TF: variants seen among roughly 807,000 people sequenced by gnomAD.
TF encodes serotransferrin.
In TF, 55 loss-of-function variants were observed where a neutral mutation model predicts 82.4. That is an observed-to-expected ratio of 0.67 (90% CI 0.54 to 0.84). TF has a LOEUF of 0.84. Among genes scored for constraint, TF ranks in the 40% least tolerant of loss-of-function variants. The probability of loss-of-function intolerance (pLI) is 0.00; values close to 1 mark genes in which losing one functional copy is unlikely to be tolerated. For missense variants in TF, 737 were observed against 868.4 expected (o/e 0.85, Z 1.90); for synonymous variants, 332 against 332.6 (o/e 1.00, Z 0.02).
intron 9 of TF, among the ~76,000 whole-genome samples, chr3:133,763,307 T>A (rs753250182): frequency 2.0e-5 from 3 of 152,366 alleles, no homozygotes; most frequent in Admixed American, 1.3e-4. Context: ...ATGAATCAAA[T>A]CATTATTGAG....
the TF span, among the ~76,000 whole-genome samples, chr3:133,662,803 A>C: frequency 2.2e-4 from 33 of 152,338 alleles, 1 homozygote; most frequent in African/African-American, 6.0e-4. Context: ...TCATTTTATT[A>C]TTCACTGCTG....
chr3:133,681,507 C>T, the TF span, among the ~76,000 whole-genome samples: 1 of 152,072 alleles, frequency 6.6e-6, no homozygotes, highest in Non-Finnish European at 1.5e-5. Context: ...CACCCTAATA[C>T]TGAGCTTTTC....
chr3:133,723,997 A>G, the TF span, among the ~76,000 whole-genome samples: 9 of 152,210 alleles, frequency 5.9e-5, no homozygotes, highest in African/African-American at 2.2e-4. Flanking sequence ...ATCATTTTTT[A>G]TGGCTGCATA....
chr3:133,724,812 C>A, the TF span, among the ~76,000 whole-genome samples: 76 of 152,252 alleles, frequency 5.0e-4, no homozygotes, highest in African/African-American at 1.7e-3. Flanking sequence ...GTCTTTAATC[C>A]ATCTTGAATT....
At chr3:133,746,533 C>T (rs41272325) in intron 1 of TF, 50 bp downstream of exon 1, 4 of 1,560,532 alleles carry the variant, frequency 2.6e-6, no homozygotes, top group Non-Finnish European at 3.4e-6. Context: ...CCGCGCGTTC[C>T]CTGCAACCCG....
intron 13 of TF, among the ~76,000 whole-genome samples, chr3:133,769,260 A>C (rs1177908445): frequency 1.3e-5 from 2 of 152,240 alleles, no homozygotes; most frequent in Non-Finnish European, 2.9e-5. Context: ...TTTGTAAGTT[A>C]GATTAAGTAC....
the TF span, among the ~76,000 whole-genome samples, chr3:133,693,383 T>C: frequency 1.3e-5 from 2 of 152,226 alleles, no homozygotes; most frequent in Non-Finnish European, 1.5e-5. Flanking sequence ...TTCAGTTATG[T>C]TGAGGCACAG....
the TF span, among the ~76,000 whole-genome samples, chr3:133,717,494 T>C: frequency 6.6e-6 from 1 of 152,246 alleles, no homozygotes; most frequent in African/African-American, 2.4e-5. Flanking sequence ...TTTCTCAGGC[T>C]ACCTGGAGGG....
the TF span, among the ~76,000 whole-genome samples, chr3:133,677,814 G>C: frequency 6.6e-6 from 1 of 152,032 alleles, no homozygotes; most frequent in South Asian, 2.1e-4. Flanking sequence ...CTCCTCAGTA[G>C]CTGGGACTAC....
At chr3:133,736,653 C>CAAAAAAAAAAA in the TF span, among the ~76,000 whole-genome samples, 1 of 52,824 alleles carries the variant, frequency 1.9e-5, no homozygotes, top group African/African-American at 7.9e-5. Flanking sequence ...AAAAAAAAAG[C>CAAAAAAAAAAA]AGGGGTTACA....
the TF span, among the ~76,000 whole-genome samples, chr3:133,728,890 C>G: frequency 5.9e-5 from 9 of 152,336 alleles, no homozygotes; most frequent in South Asian, 1.9e-3. Flanking sequence ...CCCTCAGCTG[C>G]AGGACTGTTT....
the TF span, among the ~76,000 whole-genome samples, chr3:133,678,322 C>T: frequency 5.9e-5 from 9 of 152,268 alleles, 1 homozygote; most frequent in African/African-American, 1.7e-4. Flanking sequence ...AATAAATATA[C>T]GTGTGCATGT....
At chr3:133,774,882 C>A (rs1239511635) in intron 14 of TF, 16 of 307,428 alleles carry the variant, frequency 5.2e-5, no homozygotes, top group Admixed American at 1.2e-4. Flanking sequence ...TTTTCAGAGA[C>A]AATACAGAAA....
At chr3:133,736,646 A>AAAAAAAAAAAAAAAAAAAAAAC in the TF span, among the ~76,000 whole-genome samples, 1 of 149,962 alleles carries the variant, frequency 6.7e-6, no homozygotes, top group East Asian at 1.9e-4. Flanking sequence ...AAAAAAAAAA[A>AAAAAAAAAAAAAAAAAAAAAAC]AAAAAGCAGG....
the TF span, among the ~76,000 whole-genome samples, chr3:133,739,788 A>G: frequency 6.6e-6 from 1 of 152,246 alleles, no homozygotes; most frequent in African/African-American, 2.4e-5. Flanking sequence ...ATGAGATACC[A>G]TCTCATGCCA....
rs377691845 is a variant in TF at position 133,748,492 on chromosome 3, C to T, written c.124C>T (p.Arg42Cys). The change falls in exon 2 of 17, where the codon CGC becomes TGC. Residue 42 changes from arginine (R) to cysteine (C), a missense_variant. Coordinates refer to ENST00000402696, the MANE Select transcript of TF (RefSeq NM_001063.4). Reference protein sequence around the residue: ...EHEATKCQSFRDHMKSVIPSD... With the variant: ...EHEATKCQSFCDHMKSVIPSD... ...TGAGGCCACTAAGTGCCAGAGTTTC[C>T]GCGACCATATGAAAAGCGTCATTCC... The T allele has an allele frequency of 1.4e-5, 22 of 1,613,992 alleles. No individual in the cohort carries two copies. Among genetic ancestry groups the T allele is most frequent in the South Asian group, 4.4e-5 (4 of 91,090 alleles).
chr3:133,775,378 C>T, intron 14 of TF, 55 bp from the exon 15 acceptor site: 1 of 1,592,624 alleles, frequency 6.3e-7, no homozygotes, highest in Non-Finnish European at 8.6e-7. Context: ...TCCATCTCCC[C>T]AGCGGGGCAC....
At chr3:133,668,094 T>G in the TF span, among the ~76,000 whole-genome samples, 1 of 152,242 alleles carries the variant, frequency 6.6e-6, no homozygotes, top group Non-Finnish European at 1.5e-5. Flanking sequence ...AATCAGGCCC[T>G]ACCCTTGACC....
the TF span, among the ~76,000 whole-genome samples, chr3:133,726,098 G>C: frequency 1.3e-5 from 2 of 152,172 alleles, no homozygotes; most frequent in Admixed American, 6.5e-5. Context: ...TGTTCATTAA[G>C]GATATTGGTC....
Sources: allele counts gnomAD v4.1 joint callset (sites outside exome capture counted in the v4.1 genomes callset), GRCh38; gene constraint gnomAD v4.1.1; transcripts MANE v1.5; gene names NCBI Gene and HGNC (gene_info 2026-07-23, HGNC 2026-07-21).